Variants in ABCA13 observed in about 807,000 individuals in gnomAD.
ABCA13 encodes the protein ATP-binding cassette sub-family A member 13.
A neutral mutation model predicts 478.7 loss-of-function variants in ABCA13; 476 were observed. The observed-to-expected ratio is 0.99, with a 90% CI of 0.92 to 1.07. The LOEUF is 1.07. Ranked by LOEUF, ABCA13 falls within the 50% of genes least tolerant of loss-of-function variation. The probability of loss-of-function intolerance (pLI) is 0.00; values close to 1 mark genes in which losing one functional copy is unlikely to be tolerated. For synonymous variants in ABCA13, 2,252 were observed against 2,158.9 expected, an observed-to-expected ratio of 1.04 and a Z score of -1.20; for missense variants, 6,060 against 5,910.6, an observed-to-expected ratio of 1.03 and a Z score of -0.83.
intron 48 of ABCA13, among the ~76,000 whole-genome samples, chr7:48,497,736 C>CT (rs1208059112): frequency 6.7e-6 from 1 of 148,720 alleles, no homozygotes; most frequent in East Asian, 2.0e-4. Context: ...CTGACTCATG[C>CT]TGTCTCATTG....
intron 42 of ABCA13, among the ~76,000 whole-genome samples, chr7:48,447,045 C>T (rs1824398306): frequency 6.6e-6 from 1 of 152,206 alleles, no homozygotes; most frequent in Non-Finnish European, 1.5e-5. Context: ...CAGATCAGAG[C>T]TACTAAATAA....
intron 29 of ABCA13, among the ~76,000 whole-genome samples, chr7:48,342,465 CTTTG>C (rs1346457289): frequency 6.6e-6 from 1 of 152,066 alleles, no homozygotes. Flanking sequence ...TTATATTTTC[CTTTG>C]TTTGTATTTA....
intron 15 of ABCA13, among the ~76,000 whole-genome samples, chr7:48,264,854 A>G (rs1004546412): frequency 6.6e-6 from 1 of 151,716 alleles, no homozygotes; most frequent in African/African-American, 2.4e-5. Flanking sequence ...AACCTTTGCT[A>G]ACTCACAGGG....
rs889132165 is a variant in ABCA13, at chr7:48,254,711, A to G, written c.2005+5360A>G. Among the ~76,000 whole-genome samples the G allele has an allele frequency of 3.3e-5, 5 of 152,154 alleles. No homozygotes were observed. The South Asian group carries it at 8.3e-4, about 25-fold the overall frequency. ...GAATTAAACTATTTTTGAGCATGCT[A>G]TGAAACTTTGTGAGAGCTCAATTGT... On this transcript the variant is annotated intron_variant, in intron 15 of 61. Transcript: ENST00000435803.
chr7:48,281,465 T>C lies in ABCA13; in HGVS notation c.8836+13T>C. ...ACCATCGTTGCAGGTGGGCTGCTCA[T>C]ATAACAAGTGCTCTGCAATTGCCCT... On this transcript the variant is annotated intron_variant, in intron 19 of 61. Transcript: ENST00000435803. 6.3e-7 allele frequency: 1 copy of C among 1,577,746 alleles called. No homozygotes were observed. The highest frequency in any genetic ancestry group is 8.6e-7 in the Non-Finnish European group (1 of 1,160,728).
At chr7:48,300,400 T>C (rs1048218291) in intron 23 of ABCA13, among the ~76,000 whole-genome samples, 2 of 152,270 alleles carry the variant, frequency 1.3e-5, no homozygotes, top group Non-Finnish European at 2.9e-5. Context: ...GGAGCCAATG[T>C]TCTGTGGGGG....
At chr7:48,614,911 A>G (rs1347873142) in intron 58 of ABCA13, among the ~76,000 whole-genome samples, 5 of 145,542 alleles carry the variant, frequency 3.4e-5, no homozygotes, top group Middle Eastern at 3.5e-3. Context: ...GGGAGGGATA[A>G]CATTAGGAGA....
In ABCA13 at chr7:48,338,471, G is replaced by A; in HGVS notation, c.10204+16G>A. The A allele has an allele frequency of 6.4e-7, 1 of 1,568,432 alleles. No homozygotes were observed. The highest frequency in any genetic ancestry group is 8.7e-7 in the Non-Finnish European group (1 of 1,154,960). ...CAGACATACGGTAAGTGTGCTGATG[G>A]GCATGGTAGTGTTCTTCTGCCCATA... On this transcript the variant is annotated intron_variant, in intron 29 of 61. Transcript: ENST00000435803.
At chr7:48,347,993 G>T (rs572418824) in intron 29 of ABCA13, among the ~76,000 whole-genome samples, 1 of 152,208 alleles carries the variant, frequency 6.6e-6, no homozygotes, top group Admixed American at 6.5e-5. Context: ...CCACTGAGGG[G>T]TGGTGAGCAG....
chr7:48,643,005 C>T (rs1303772274), intron 59 of ABCA13, among the ~76,000 whole-genome samples: 3 of 152,120 alleles, frequency 2.0e-5, no homozygotes, highest in African/African-American at 4.8e-5. Flanking sequence ...TTGCTTTCAC[C>T]GTTTGCATTT....
chr7:48,462,822 T>G (rs1826413243), intron 43 of ABCA13, among the ~76,000 whole-genome samples: 1 of 152,130 alleles, frequency 6.6e-6, no homozygotes, highest in African/African-American at 2.4e-5. Context: ...TCAGGGTAAT[T>G]TTCTTCTATT....
rs368340883 is a variant in ABCA13 at position 48,372,438 on chromosome 7, C to T, written c.11074C>T (p.Pro3692Ser). The T allele has an allele frequency of 3.2e-5, 51 of 1,613,480 alleles. No individual in the cohort carries two copies. The African/African-American group carries it at 5.2e-4, about 16-fold the overall frequency. Residue 3692 changes from proline to serine, a missense_variant, in exon 33 of 62, where the codon CCC becomes TCC. Transcript: ENST00000435803. ...TSLVYMISFL[P>S]YIVLLVLHNQ... Reference sequence around the variant, plus strand: ...CCTGGTGTACATGATCAGCTTTCTGCCCTACATAGTTCTATTGGTTCTACA... The same window carrying T: ...CCTGGTGTACATGATCAGCTTTCTGTCCTACATAGTTCTATTGGTTCTACA...
At chr7:48,335,603 C>T in intron 28 of ABCA13, 68 bp downstream of exon 28, 1 of 1,262,130 alleles carries the variant, frequency 7.9e-7, no homozygotes, top group Non-Finnish European at 1.1e-6. Flanking sequence ...GACATCAGGG[C>T]TGCCCTGTAG....
At chr7:48,262,265 C>G (rs1355967844) in intron 15 of ABCA13, among the ~76,000 whole-genome samples, 1 of 151,866 alleles carries the variant, frequency 6.6e-6, no homozygotes, top group African/African-American at 2.4e-5. Context: ...CAATCTCTAG[C>G]TTTCTACTGA....
chr7:48,463,854 G>C (rs1390100447), intron 43 of ABCA13, among the ~76,000 whole-genome samples: 1 of 151,594 alleles, frequency 6.6e-6, no homozygotes, highest in Admixed American at 6.6e-5. Flanking sequence ...AAAGGAGGAA[G>C]GGAGGAAGGG....
intron 41 of ABCA13, among the ~76,000 whole-genome samples, chr7:48,423,457 C>T (rs564826338): frequency 6.6e-6 from 1 of 152,166 alleles, no homozygotes; most frequent in Non-Finnish European, 1.5e-5. Context: ...ATCCATCAAA[C>T]TGACACTTTA....
intron 19 of ABCA13, 135 bp downstream of exon 19, chr7:48,281,587 C>T (rs1168583795): frequency 1.3e-6 from 1 of 772,498 alleles, no homozygotes; most frequent in Non-Finnish European, 2.0e-6. Context: ...GGCAACCAGG[C>T]CTTGAGGGAT....
intron 47 of ABCA13, among the ~76,000 whole-genome samples, chr7:48,484,175 A>T (rs1419590186): frequency 6.6e-6 from 1 of 152,188 alleles, no homozygotes; most frequent in Non-Finnish European, 1.5e-5. Context: ...GGTGCTTCAC[A>T]ATGTCATCCC....
At chr7:48,378,476 A>T (rs912702627) in intron 35 of ABCA13, among the ~76,000 whole-genome samples, 8 of 152,212 alleles carry the variant, frequency 5.3e-5, no homozygotes, top group Admixed American at 5.2e-4. Context: ...GAACCATGCC[A>T]CATTTGGAAC....
Sources: gnomAD v4.1 joint callset for allele counts (sites outside exome capture counted in the v4.1 genomes callset) on GRCh38, gnomAD v4.1.1 for gene constraint, MANE v1.5 for transcripts, NCBI Gene and HGNC (gene_info 2026-07-23, HGNC 2026-07-21) for gene names.